MAPK8IP3: variants seen among roughly 807,000 people sequenced by gnomAD.
MAPK8IP3 encodes the protein mitogen-activated protein kinase 8 interacting protein 3, also known as C-Jun-amino-terminal kinase-interacting protein 3.
A neutral mutation model predicts 157.8 loss-of-function variants in MAPK8IP3; 49 were observed. The ratio of observed to expected loss-of-function variants is 0.31; its 90% CI spans 0.25 to 0.39. MAPK8IP3 has a LOEUF of 0.39. Among genes scored for constraint, MAPK8IP3 ranks in the 10% least tolerant of loss-of-function variants. The pLI is 1.00. For synonymous variants in MAPK8IP3, 897 were observed against 777.7 expected, an observed-to-expected ratio of 1.15 and a Z score of -2.55; for missense variants, 1,478 against 1,889.4, an observed-to-expected ratio of 0.78 and a Z score of 4.04.
Position 1,765,019 on chromosome 16 carries a change from G to T in MAPK8IP3, c.2287G>T (p.Glu763Ter). 6.2e-7 allele frequency: 1 copy of T among 1,605,426 alleles called. No individual in the cohort carries two copies. Residue 763 changes from glutamate to a stop codon, truncating the protein, a stop_gained, in exon 20 of 32, where the codon GAG becomes TAG. Coordinates refer to ENST00000610761, the MANE Select transcript of MAPK8IP3 (RefSeq NM_001318852.2). LOFTEE classifies it high-confidence loss of function. ...HTSPEKKKAK[E>*]LPEMDATSSR... ...ATCCCGTGCCCTGAAACAGGCCAAG[G>T]AGCTCCCTGAAATGGACGCCACCTC...
chr16:1,718,588 G>A (rs1407002317), intron 1 of MAPK8IP3, among the ~76,000 whole-genome samples: 1 of 149,586 alleles, frequency 6.7e-6, no homozygotes, highest in Non-Finnish European at 1.5e-5. Context: ...GAGGTCAGGA[G>A]TTCAAGAGCA....
chr16:1,769,021 C>T lies in MAPK8IP3; in HGVS notation c.*197C>T, dbSNP rs1199755729. 1 of 621,420 alleles carries T rather than the reference C, an allele frequency of 1.6e-6. No homozygotes were observed. Among genetic ancestry groups the T allele is most frequent in the Non-Finnish European group, 2.8e-6 (1 of 359,198 alleles). The allele number at this position is 621,420 out of a possible 1,614,324, so 38.5% of individuals were successfully genotyped here. A position where few individuals can be genotyped will look rare whatever the true frequency, so the allele number is the denominator to read the frequency against. ...AGCTGGGAGGAGGAGGGGAGGGGAA[C>T]TTCCACCCGAGGGGAAGATGCTCTC... On this transcript the variant is annotated 3_prime_UTR_variant, in exon 32 of 32. Coordinates refer to ENST00000610761, the MANE Select transcript of MAPK8IP3 (RefSeq NM_001318852.2).
rs769472980 is a variant in MAPK8IP3 at position 1,724,554 on chromosome 16, C to T, written c.319-3C>T. On this transcript the variant is annotated splice_polypyrimidine_tract_variant and splice_region_variant and intron_variant, in intron 1 of 31. Coordinates refer to ENST00000610761, the MANE Select transcript of MAPK8IP3 (RefSeq NM_001318852.2). This position sits in a 1 kb window ranked among gnomAD's most constrained non-coding sequence, Gnocchi z 4.1. The stretch of plus-strand genomic sequence containing the variant: ...CTGCTCTTTCCCTCCCTTCCATGCA[C>T]AGAAATTCATTGAGTTTGAAGATGC... 1.2e-6 allele frequency: 2 copies of T among 1,613,008 alleles called. No individual in the cohort carries two copies. The highest frequency in any genetic ancestry group is 1.7e-6 in the Non-Finnish European group (2 of 1,179,846).
chr16:1,736,780 ATCCGTGTGTGACCG>A (rs2039914451), intron 4 of MAPK8IP3, among the ~76,000 whole-genome samples: 1 of 27,808 alleles, frequency 3.6e-5, no homozygotes, highest in Non-Finnish European at 5.8e-5. Flanking sequence ...CTGTGTGACC[ATCCGTGTGTGACCG>A]TCCGTGTGAG....
chr16:1,761,716 G>A (rs900260868), intron 13 of MAPK8IP3, among the ~76,000 whole-genome samples: 3 of 151,678 alleles, frequency 2.0e-5, no homozygotes, highest in Non-Finnish European at 4.4e-5. Flanking sequence ...CAGGCGGGGC[G>A]GCCACTGTTC....
chr16:1,711,915 C>G (rs571042550), intron 1 of MAPK8IP3, among the ~76,000 whole-genome samples: 1 of 149,162 alleles, frequency 6.7e-6, no homozygotes, highest in Non-Finnish European at 1.5e-5. Flanking sequence ...TGCACTCCAG[C>G]CTGGGCAATT....
At chr16:1,725,331 TAA>T (rs148914770) in intron 2 of MAPK8IP3, among the ~76,000 whole-genome samples, 13 of 137,242 alleles carry the variant, frequency 9.5e-5, no homozygotes, top group Non-Finnish European at 7.9e-5. Flanking sequence ...CCTCATCTCT[TAA>T]AAAAAAAAAA....
chr16:1,721,963 G>T (rs1299096526), intron 1 of MAPK8IP3, among the ~76,000 whole-genome samples: 1 of 150,284 alleles, frequency 6.7e-6, no homozygotes, highest in African/African-American at 2.5e-5. Context: ...TAGAAACGGG[G>T]TTTCACCATG....
Position 1,768,213 on chromosome 16 carries a change from C to T in MAPK8IP3, c.3577C>T (p.Pro1193Ser). The change falls in exon 30 of 32, where the codon CCC (proline) becomes TCC (serine). Residue 1193 changes from proline to serine, a missense_variant. This residue lies in a region of MAPK8IP3 where 83 missense variants were observed against 85.3 expected (regional missense o/e 0.97). Transcript: ENST00000610761. ...LLGLRANKTS[P>S]TSGEGARPGG... Reference sequence around the variant, plus strand: ...TCTCCCTGCAGCCAATAAGACATCCCCCACCTCTGGGGAGGGCGCCCGTCC... The same window carrying T: ...TCTCCCTGCAGCCAATAAGACATCCTCCACCTCTGGGGAGGGCGCCCGTCC... 1 of 1,612,464 alleles carries T rather than the reference C, an allele frequency of 6.2e-7. No individual in the cohort carries two copies. Among genetic ancestry groups the T allele is most frequent in the Non-Finnish European group, 8.5e-7 (1 of 1,179,892 alleles).
chr16:1,720,861 C>T (rs1361579885), intron 1 of MAPK8IP3, among the ~76,000 whole-genome samples: 39 of 152,008 alleles, frequency 2.6e-4, no homozygotes, highest in Admixed American at 2.6e-3. Context: ...GGTGAAACCC[C>T]GTTTCTACTA....
In MAPK8IP3 at chr16:1,768,621, G is replaced by A. The variant is rs2042422646; in HGVS notation, c.3887G>A (p.Arg1296His). ...LSGGEGYIDF[R>H]IGDGEDDETE... ...GGCGGGGAGGGCTACATCGACTTCC[G>A]CATTGGTGAGCGGGGCCCAGGGACA... Residue 1296 changes from arginine (R) to histidine (H), a missense_variant, in exon 31 of 32, where the codon CGC (arginine) becomes CAC (histidine). Physicochemically the swap from Arg to His is conservative, Grantham distance 29. Transcript: ENST00000610761. 1 of 1,602,352 alleles carries A rather than the reference G, an allele frequency of 6.2e-7. No homozygotes were observed. The highest frequency in any genetic ancestry group is 8.5e-7 in the Non-Finnish European group (1 of 1,174,858).
intron 4 of MAPK8IP3, among the ~76,000 whole-genome samples, chr16:1,740,965 G>A (rs1217976747): frequency 2.0e-5 from 3 of 152,170 alleles, no homozygotes; most frequent in Non-Finnish European, 4.4e-5. Flanking sequence ...CTCTGCCCTC[G>A]CTCCACAAGC....
intron 10 of MAPK8IP3, among the ~76,000 whole-genome samples, chr16:1,759,317 G>A (rs2041802563): frequency 6.6e-6 from 1 of 152,224 alleles, no homozygotes; most frequent in Non-Finnish European, 1.5e-5. Flanking sequence ...CAGCAGGCAG[G>A]ACCCCTGAGC....
intron 4 of MAPK8IP3, among the ~76,000 whole-genome samples, chr16:1,733,004 C>T (rs951828278): frequency 2.0e-5 from 3 of 152,276 alleles, no homozygotes; most frequent in Non-Finnish European, 2.9e-5. Flanking sequence ...TCGTGGCATG[C>T]ACGCTGGGAC....
At chr16:1,737,373 TGAGA>T (rs145057693) in intron 4 of MAPK8IP3, among the ~76,000 whole-genome samples, 8 of 95,928 alleles carry the variant, frequency 8.3e-5, no homozygotes, top group East Asian at 4.2e-4. Context: ...ACCGTCCGTG[TGAGA>T]GTGTGACCAT....
chr16:1,723,430 G>A lies in MAPK8IP3; in HGVS notation c.319-1127G>A, dbSNP rs138693056. Among the ~76,000 whole-genome samples the A allele has an allele frequency of 6.0e-3, 906 of 152,124 alleles. 3 individuals are homozygous for A. The highest frequency in any genetic ancestry group is 0.01 in the Middle Eastern group (3 of 294). On this transcript the variant is annotated intron_variant, in intron 1 of 31. Transcript: ENST00000610761. ...CTCACTCAGGCTGGTGGCTCACAGC[G>A]TGAGCCACTGTGCCCGGCCTCTACA...
chr16:1,760,780 C>G (rs1223974670), intron 12 of MAPK8IP3, among the ~76,000 whole-genome samples: 3 of 152,234 alleles, frequency 2.0e-5, no homozygotes, highest in Non-Finnish European at 4.4e-5. Flanking sequence ...CACCATCCCA[C>G]TCCTCCAGCC....
In MAPK8IP3 at chr16:1,738,609, C is replaced by T. The variant is rs368652846; in HGVS notation, c.603-4723C>T. On this transcript the variant is annotated intron_variant, in intron 4 of 31. Transcript: ENST00000610761. ...CCATCCATGTGAGCATCTGTGTGAC[C>T]GTCCGTGTGAGCATCGGTGTGAGCG... Among the ~76,000 whole-genome samples, 256 of 122,024 alleles carry T rather than the reference C, an allele frequency of 2.1e-3. 11 individuals carry two copies. In the East Asian group the frequency reaches 0.063, roughly 30 times the overall value. 80.1% of individuals were successfully genotyped at this position (122,024 alleles called of 152,430 possible). A position where few individuals can be genotyped will look rare whatever the true frequency, so the allele number is the denominator to read the frequency against.
At position 1,748,593 on chromosome 16, in the gene MAPK8IP3, TC is replaced by T; in HGVS notation, c.1098-6del. ...TCTGCTCTCTCTCCCGACCTGTGGA[TC>T]CCAACAGCCCAACCCAGGGCATCGT... On this transcript the variant is annotated splice_polypyrimidine_tract_variant and splice_region_variant and intron_variant, in intron 7 of 31. Coordinates refer to ENST00000610761, the MANE Select transcript of MAPK8IP3 (RefSeq NM_001318852.2). 6.2e-7 allele frequency: 1 copy of T among 1,609,992 alleles called. No homozygotes were observed. Among genetic ancestry groups the T allele is most frequent in the Middle Eastern group, 1.7e-4 (1 of 6,058 alleles).
Sources: gnomAD v4.1 joint callset for allele counts (sites outside exome capture counted in the v4.1 genomes callset) on GRCh38, gnomAD v4.1.1 for gene constraint, gnomAD v4.1.1 regional missense constraint, Gnocchi (gnomAD v3.1) non-coding constraint, MANE v1.5 for transcripts, NCBI Gene and HGNC (gene_info 2026-07-23, HGNC 2026-07-21) for gene names.